NELL1: variants seen among roughly 807,000 people sequenced by gnomAD.
NELL1 encodes protein kinase C-binding protein NELL1.
NELL1 carries 76 observed loss-of-function variants against 107.4 expected under a neutral mutation model. The observed-to-expected ratio is 0.71, with a 90% CI of 0.59 to 0.86. The LOEUF (loss-of-function observed/expected upper bound fraction) is 0.86. NELL1 is among the 40% of genes least tolerant of loss of function. NELL1 has a pLI of 0.00. For synonymous variants in NELL1, 353 were observed against 341.2 expected (o/e 1.03, Z -0.38); for missense variants, 1,024 against 1,005.5 (o/e 1.02, Z -0.25).
intron 15 of NELL1, among the ~76,000 whole-genome samples, chr11:21,513,301 C>T (rs1216296360): frequency 6.6e-6 from 1 of 151,724 alleles, no homozygotes; most frequent in Non-Finnish European, 1.5e-5. Flanking sequence ...CTGTTCTTCT[C>T]TTATAAGTGT....
At chr11:20,780,278 T>C (rs1856827683) in intron 2 of NELL1, among the ~76,000 whole-genome samples, 1 of 152,116 alleles carries the variant, frequency 6.6e-6, no homozygotes, top group South Asian at 2.1e-4. Context: ...AGAAGTGGGG[T>C]TTATTTAGCA....
intron 2 of NELL1, among the ~76,000 whole-genome samples, chr11:20,755,561 TG>T (rs1385034747): frequency 0.082 from 1,402 of 17,202 alleles, 44 homozygotes; most frequent in African/African-American, 0.13. Flanking sequence ...TTTTTGTTTT[TG>T]TTTTTTTTTT....
At chr11:20,981,696 T>C (rs1009250924) in intron 12 of NELL1, among the ~76,000 whole-genome samples, 2 of 152,188 alleles carry the variant, frequency 1.3e-5, no homozygotes, top group African/African-American at 2.4e-5. Flanking sequence ...ATTTCTCTTA[T>C]ATCAATAAGC....
At chr11:21,477,380 G>T (rs1001420605) in intron 15 of NELL1, among the ~76,000 whole-genome samples, 1 of 152,074 alleles carries the variant, frequency 6.6e-6, no homozygotes, top group Non-Finnish European at 1.5e-5. Context: ...TAAGGGAAGA[G>T]AATAAGAGTC....
At chr11:21,489,427 T>G in intron 15 of NELL1, among the ~76,000 whole-genome samples, 1 of 91,762 alleles carries the variant, frequency 1.1e-5, no homozygotes, top group South Asian at 4.2e-4. Context: ...AAGGGAACTC[T>G]CCCTAACTTG....
intron 2 of NELL1, 106 bp from the exon 3 acceptor site, chr11:20,783,574 C>A: frequency 5.7e-6 from 4 of 701,208 alleles, no homozygotes; most frequent in Non-Finnish European, 8.9e-6. Flanking sequence ...CTTTTTTCCT[C>A]TTCCTTCTCA....
chr11:21,353,602 C>T (rs932281932), intron 14 of NELL1, among the ~76,000 whole-genome samples: 3 of 152,104 alleles, frequency 2.0e-5, no homozygotes, highest in African/African-American at 4.8e-5. Context: ...AAAGGCAGAT[C>T]GCTGGGCTCC....
chr11:21,406,031 A>G (rs188836766), intron 15 of NELL1, among the ~76,000 whole-genome samples: 1 of 152,154 alleles, frequency 6.6e-6, no homozygotes, highest in East Asian at 1.9e-4. Context: ...TTGTAAGTCC[A>G]TACACAGATA....
At chr11:20,849,406 T>G (rs1222509643) in intron 4 of NELL1, among the ~76,000 whole-genome samples, 1 of 152,200 alleles carries the variant, frequency 6.6e-6, no homozygotes, top group Non-Finnish European at 1.5e-5. Flanking sequence ...GTTGTTGTTA[T>G]TTACTCTGCA....
intron 12 of NELL1, among the ~76,000 whole-genome samples, chr11:21,051,925 A>T (rs1018090494): frequency 7.2e-5 from 11 of 152,140 alleles, no homozygotes; most frequent in Non-Finnish European, 1.6e-4. Context: ...AACATAATAG[A>T]TAAGTACATT....
At chr11:21,524,431 A>G (rs12421932) in intron 15 of NELL1, among the ~76,000 whole-genome samples, 19,344 of 152,128 alleles carry the variant, frequency 0.13, 1,328 homozygotes, top group Admixed American at 0.2. Flanking sequence ...GTATGTCAGA[A>G]TTAAATGGGG....
intron 5 of NELL1, among the ~76,000 whole-genome samples, chr11:20,891,791 T>G (rs1000161316): frequency 6.6e-6 from 1 of 152,064 alleles, no homozygotes; most frequent in Admixed American, 6.5e-5. Flanking sequence ...GGTAAAGGGA[T>G]CAATTCAACA....
rs539618886 is a variant in NELL1, at chr11:21,063,224, G to A, written c.1301-50365G>A. ...ACACAGAAGGTGAGTTCTGGGAGAG[G>A]CCCTAGCACAGAGCTTCCATGGCTT... On this transcript the variant is annotated intron_variant, in intron 12 of 19. Coordinates refer to ENST00000357134, the MANE Select transcript of NELL1 (RefSeq NM_006157.5). 2.6e-3 allele frequency among the ~76,000 whole-genome samples: 390 copies of A among 152,086 alleles called. 1 individual carries two copies. Among genetic ancestry groups the A allele is most frequent in the Non-Finnish European group, 4.7e-3 (320 of 68,012 alleles).
chr11:21,174,681 GCTT>G (rs1856676686), intron 13 of NELL1, among the ~76,000 whole-genome samples: 1 of 151,736 alleles, frequency 6.6e-6, no homozygotes, highest in Non-Finnish European at 1.5e-5. Flanking sequence ...GTTTGAGACT[GCTT>G]TAGACCCACT....
chr11:20,858,698 G>A, intron 4 of NELL1, among the ~76,000 whole-genome samples: 1 of 152,216 alleles, frequency 6.6e-6, no homozygotes. Context: ...GCCGCTGTTT[G>A]CAGATGGTTG....
intron 2 of NELL1, among the ~76,000 whole-genome samples, chr11:20,765,276 G>C (rs972151178): frequency 1.3e-5 from 2 of 152,206 alleles, no homozygotes; most frequent in African/African-American, 2.4e-5. Flanking sequence ...CTTCAGAAAG[G>C]CTTAATTTTC....
chr11:21,108,890 C>G (rs1855036358), intron 12 of NELL1, among the ~76,000 whole-genome samples: 1 of 152,130 alleles, frequency 6.6e-6, no homozygotes, highest in Non-Finnish European at 1.5e-5. Context: ...ATTTGGAGAT[C>G]TATTTGTTTC....
At chr11:21,220,576 A>G (rs1857730446) in intron 13 of NELL1, among the ~76,000 whole-genome samples, 1 of 151,994 alleles carries the variant, frequency 6.6e-6, no homozygotes, top group Admixed American at 6.6e-5. Context: ...TCTTTATTAT[A>G]GAGATCTCTC....
chr11:21,352,059 G>T (rs1172821648), intron 14 of NELL1, among the ~76,000 whole-genome samples: 8 of 151,988 alleles, frequency 5.3e-5, no homozygotes, highest in Non-Finnish European at 1.0e-4. Flanking sequence ...AAGCCTTTAT[G>T]CTAAGCTATT....
Sources: allele counts gnomAD v4.1 joint callset (sites outside exome capture counted in the v4.1 genomes callset), GRCh38; gene constraint gnomAD v4.1.1; transcripts MANE v1.5; gene names NCBI Gene and HGNC (gene_info 2026-07-23, HGNC 2026-07-21).